ST18: variants seen among roughly 807,000 people sequenced by gnomAD.
ST18 encodes suppression of tumorigenicity 18 protein.
ST18 carries 50 observed loss-of-function variants against 110.0 expected under a neutral mutation model. The observed-to-expected ratio is 0.45, with a 90% CI of 0.36 to 0.58. The LOEUF (loss-of-function observed/expected upper bound fraction) is 0.58. ST18 is among the 20% of genes least tolerant of loss of function. The pLI is 0.00. For synonymous variants in ST18, 461 were observed against 452.4 expected (o/e 1.02, Z -0.24); for missense variants, 1,306 against 1,280.1 (o/e 1.02, Z -0.31).
intron 2 of ST18, among the ~76,000 whole-genome samples, chr8:52,356,058 A>T (rs772125615): frequency 6.6e-6 from 1 of 152,208 alleles, no homozygotes; most frequent in Non-Finnish European, 1.5e-5. Flanking sequence ...TAAAGGATTT[A>T]AAAAGTTCCC....
At chr8:52,182,934 C>T (rs533186204) in intron 8 of ST18, among the ~76,000 whole-genome samples, 7 of 152,250 alleles carry the variant, frequency 4.6e-5, no homozygotes, top group South Asian at 4.1e-4. Context: ...TTGACGACTG[C>T]GGTGATGAAT....
chr8:52,212,195 G>A, intron 7 of ST18, 86 bp from the exon 8 acceptor site: 1 of 1,310,822 alleles, frequency 7.6e-7, no homozygotes. Context: ...CCCACCTAGA[G>A]GTAACGACCA....
intron 8 of ST18, among the ~76,000 whole-genome samples, chr8:52,182,991 G>C (rs987497658): frequency 2.6e-5 from 4 of 152,094 alleles, no homozygotes; most frequent in African/African-American, 9.7e-5. Flanking sequence ...ACTGTATCTT[G>C]TTAATATCAT....
chr8:52,189,780 G>C (rs4284058), intron 8 of ST18, among the ~76,000 whole-genome samples: 6,911 of 152,246 alleles, frequency 0.045, 207 homozygotes, highest in Middle Eastern at 0.099. Flanking sequence ...GAGAATATGG[G>C]GGCAGATCAC....
intron 2 of ST18, among the ~76,000 whole-genome samples, chr8:52,330,623 A>G (rs780195167): frequency 2.0e-4 from 31 of 152,250 alleles, no homozygotes; most frequent in Non-Finnish European, 3.5e-4. Flanking sequence ...GTTTATGCTG[A>G]TACAGTACAG....
At chr8:52,374,683 C>G (rs530533984) in intron 2 of ST18, among the ~76,000 whole-genome samples, 1 of 152,148 alleles carries the variant, frequency 6.6e-6, no homozygotes, top group East Asian at 1.9e-4. Context: ...GCTCTCCACT[C>G]CCCCATACCC....
At chr8:52,282,525 A>G (rs549014426) in intron 2 of ST18, among the ~76,000 whole-genome samples, 1 of 152,164 alleles carries the variant, frequency 6.6e-6, no homozygotes, top group Non-Finnish European at 1.5e-5. Flanking sequence ...TAGCCCCACC[A>G]GGGGTGAGGA....
chr8:52,177,556 A>T (rs2067410212), intron 9 of ST18, among the ~76,000 whole-genome samples: 1 of 152,180 alleles, frequency 6.6e-6, no homozygotes, highest in South Asian at 2.1e-4. Context: ...TAACTTGTTC[A>T]GAGGGCTGAA....
intron 2 of ST18, among the ~76,000 whole-genome samples, chr8:52,343,661 T>C (rs913150168): frequency 6.6e-6 from 1 of 152,154 alleles, no homozygotes; most frequent in African/African-American, 2.4e-5. Flanking sequence ...CACCACAGGA[T>C]TAAAATGGTC....
chr8:52,298,775 G>C (rs2095671385), intron 2 of ST18, among the ~76,000 whole-genome samples: 1 of 152,098 alleles, frequency 6.6e-6, no homozygotes. Flanking sequence ...ACCTGAAATA[G>C]AGAACTAATA....
chr8:52,158,874 C>A, intron 15 of ST18, 24 bp downstream of exon 15: 1 of 1,613,698 alleles, frequency 6.2e-7, no homozygotes, highest in South Asian at 1.1e-5. Context: ...CTGGCCCACC[C>A]TCCGGGCTCT....
intron 2 of ST18, among the ~76,000 whole-genome samples, chr8:52,324,747 T>C (rs1238657029): frequency 6.6e-6 from 1 of 152,242 alleles, no homozygotes; most frequent in African/African-American, 2.4e-5. Context: ...GTGATTATAC[T>C]GGGCATAGAA....
At chr8:52,187,387 G>T (rs914767524) in intron 8 of ST18, among the ~76,000 whole-genome samples, 9 of 152,194 alleles carry the variant, frequency 5.9e-5, no homozygotes, top group African/African-American at 2.2e-4. Context: ...AACTCAGGCA[G>T]TCTGGACCTA....
chr8:52,234,259 A>G (rs2092206876), intron 2 of ST18, among the ~76,000 whole-genome samples: 3 of 150,884 alleles, frequency 2.0e-5, no homozygotes, highest in Non-Finnish European at 4.5e-5. Flanking sequence ...TAAAGAACTA[A>G]AAGTAGAACT....
chr8:52,182,819 AGAG>A (rs2070361436), intron 8 of ST18, among the ~76,000 whole-genome samples: 1 of 152,098 alleles, frequency 6.6e-6, no homozygotes, highest in Admixed American at 6.5e-5. Flanking sequence ...AGAAGGAGAA[AGAG>A]GAGATTTATT....
intron 2 of ST18, chr8:52,294,384 A>C (rs543323653): frequency 1.3e-5 from 2 of 152,374 alleles, no homozygotes; most frequent in East Asian, 3.9e-4. Context: ...TTGAATGTAA[A>C]TAGGGCCATC....
chr8:52,295,958 G>A (rs1469583325), intron 2 of ST18, among the ~76,000 whole-genome samples: 3 of 151,828 alleles, frequency 2.0e-5, no homozygotes, highest in Admixed American at 6.6e-5. Context: ...TGCATGGGAT[G>A]AGTGGTGGCA....
chr8:52,163,116 G>C (rs1348347435), intron 13 of ST18, among the ~76,000 whole-genome samples: 1 of 152,124 alleles, frequency 6.6e-6, no homozygotes, highest in African/African-American at 2.4e-5. Flanking sequence ...TACCAACCAA[G>C]AATCTTACTT....
chr8:52,353,298 T>A (rs1821213069), intron 2 of ST18, among the ~76,000 whole-genome samples: 1 of 152,238 alleles, frequency 6.6e-6, no homozygotes, highest in South Asian at 2.1e-4. Flanking sequence ...ATAAGCACAA[T>A]CTTTCTTAGA....
Sources: gnomAD v4.1 joint callset for allele counts (sites outside exome capture counted in the v4.1 genomes callset) on GRCh38, gnomAD v4.1.1 for gene constraint, MANE v1.5 for transcripts, NCBI Gene and HGNC (gene_info 2026-07-23, HGNC 2026-07-21) for gene names.